Variants in DOCK2 observed in about 807,000 individuals in gnomAD.
DOCK2 encodes dedicator of cytokinesis protein 2.
DOCK2 carries 87 observed loss-of-function variants against 248.9 expected under a neutral mutation model. The ratio of observed to expected loss-of-function variants is 0.35; its 90% confidence interval spans 0.29 to 0.42. DOCK2 has a LOEUF of 0.42. Ranked by LOEUF, DOCK2 falls within the 10% of genes least tolerant of loss-of-function variation. The pLI, the probability that DOCK2 is intolerant of heterozygous loss-of-function variation, is 1.00. For synonymous variants in DOCK2, 805 were observed against 821.6 expected, an observed-to-expected ratio of 0.98 and a Z score of 0.35; for missense variants, 1,747 against 2,300.2, an observed-to-expected ratio of 0.76 and a Z score of 4.92.
At chr5:170,033,078 G>A (rs1756201653) in intron 34 of DOCK2, among the ~76,000 whole-genome samples, 1 of 151,876 alleles carries the variant, frequency 6.6e-6, no homozygotes, top group Middle Eastern at 3.4e-3. Context: ...CCTGCAAAAT[G>A]GGGGAAATAA....
rs1170456180 is a variant in DOCK2 at position 169,801,168 on chromosome 5, T to G, written c.2555-1890T>G. 6.9e-4 allele frequency among the ~76,000 whole-genome samples: 93 copies of G among 135,530 alleles called. 2 individuals are homozygous for G. Among genetic ancestry groups the G allele is most frequent in the African/African-American group, 2.3e-3 (86 of 38,126 alleles). The allele number at this position is 135,530 out of a possible 152,430, so 88.9% of individuals were successfully genotyped here. The stretch of plus-strand genomic sequence containing the variant: ...TGGGTTTTTTTTTTTTTTTTTTTTT[T>G]TTTTTTTTTTTTTAGTAGACTTGGG... On this transcript the variant is annotated intron_variant, in intron 25 of 51. Transcript: ENST00000520908.
intron 2 of DOCK2, among the ~76,000 whole-genome samples, chr5:169,664,819 C>T (rs1183783937): frequency 1.3e-5 from 2 of 152,138 alleles, no homozygotes. Flanking sequence ...GGTGGGGACA[C>T]AAAGCCAAAT....
intron 25 of DOCK2, among the ~76,000 whole-genome samples, chr5:169,802,821 T>C (rs1767080587): frequency 6.6e-6 from 1 of 152,104 alleles, no homozygotes; most frequent in Admixed American, 6.5e-5. Context: ...ATATAGAACA[T>C]ACTAGAATAT....
chr5:169,743,958 A>AT (rs1763468912), intron 22 of DOCK2, among the ~76,000 whole-genome samples: 1 of 150,272 alleles, frequency 6.7e-6, no homozygotes, highest in Admixed American at 6.6e-5. Context: ...CTTTTCCCCC[A>AT]TTTTCCTCCT....
At chr5:169,936,599 T>A (rs907835643) in intron 27 of DOCK2, among the ~76,000 whole-genome samples, 23 of 130,860 alleles carry the variant, frequency 1.8e-4, no homozygotes, top group Middle Eastern at 3.8e-3. Flanking sequence ...TTTTTTTTTT[T>A]ATGAATTAGC....
At chr5:169,999,154 G>A (rs1032608883) in intron 30 of DOCK2, among the ~76,000 whole-genome samples, 1 of 152,148 alleles carries the variant, frequency 6.6e-6, no homozygotes, top group African/African-American at 2.4e-5. Context: ...CATTCCTTTA[G>A]GTTTATATCC....
chr5:170,070,575 A>T (rs1321468204), intron 46 of DOCK2, among the ~76,000 whole-genome samples: 1 of 152,146 alleles, frequency 6.6e-6, no homozygotes, highest in Non-Finnish European at 1.5e-5. Flanking sequence ...TTTATTATTC[A>T]AATAATGATG....
chr5:169,896,130 A>G (rs1422835079), intron 27 of DOCK2, among the ~76,000 whole-genome samples: 3 of 148,786 alleles, frequency 2.0e-5, no homozygotes, highest in Admixed American at 6.7e-5. Context: ...GAGCTCCCAG[A>G]GCGTGCAGGC....
At chr5:169,990,052 A>T (rs1229464371) in intron 29 of DOCK2, among the ~76,000 whole-genome samples, 1 of 150,106 alleles carries the variant, frequency 6.7e-6, no homozygotes, top group African/African-American at 2.5e-5. Flanking sequence ...CACCTCCTCC[A>T]ATCCATGTAA....
At chr5:169,980,618 T>A (rs903620231) in intron 27 of DOCK2, 2 of 152,108 alleles carry the variant, frequency 1.3e-5, no homozygotes, top group African/African-American at 4.8e-5. Context: ...CACACATGCA[T>A]ATACACACAC....
chr5:169,751,812 C>T (rs1317272460), intron 23 of DOCK2, among the ~76,000 whole-genome samples: 1 of 152,182 alleles, frequency 6.6e-6, no homozygotes, highest in Non-Finnish European at 1.5e-5. Flanking sequence ...TACCATGTTC[C>T]AGACATGGAA....
chr5:169,639,190 T>C (rs1475707723), intron 1 of DOCK2, among the ~76,000 whole-genome samples: 2 of 152,138 alleles, frequency 1.3e-5, no homozygotes. Context: ...AGAAGGAAAA[T>C]GGGTAACAGT....
At chr5:169,655,222 C>G (rs1758037550) in intron 2 of DOCK2, among the ~76,000 whole-genome samples, 1 of 152,208 alleles carries the variant, frequency 6.6e-6, no homozygotes, top group South Asian at 2.1e-4. Flanking sequence ...GCTCCCACCC[C>G]TCACTGGCCC....
At chr5:169,759,534 A>G (rs1405475920) in intron 23 of DOCK2, among the ~76,000 whole-genome samples, 171 bp from the exon 24 acceptor site, 1 of 152,240 alleles carries the variant, frequency 6.6e-6, no homozygotes, top group East Asian at 1.9e-4. Flanking sequence ...TTGTATACAA[A>G]GAAGTCCGTG....
At chr5:169,767,794 A>T (rs186611438) in intron 25 of DOCK2, among the ~76,000 whole-genome samples, 34 of 152,384 alleles carry the variant, frequency 2.2e-4, no homozygotes, top group African/African-American at 8.2e-4. Context: ...GCTCTGTATC[A>T]GGTATTACAT....
chr5:169,985,798 T>G (rs1293551672), intron 28 of DOCK2, 30 bp from the exon 29 acceptor site: 1 of 1,561,292 alleles, frequency 6.4e-7, no homozygotes, highest in Middle Eastern at 1.7e-4. Context: ...TAAAACAGGA[T>G]GACATGTGTG....
At chr5:169,861,498 C>T (rs1455335262) in intron 27 of DOCK2, among the ~76,000 whole-genome samples, 1 of 152,144 alleles carries the variant, frequency 6.6e-6, no homozygotes, top group African/African-American at 2.4e-5. Context: ...TACATAAACT[C>T]CTGCAATTTA....
Position 169,702,289 on chromosome 5 carries a change from T to C in DOCK2, c.1259-14T>C, listed in dbSNP as rs1761015166. 3 of 1,612,994 alleles carry C rather than the reference T, an allele frequency of 1.9e-6. No homozygotes were observed. In the East Asian group the frequency reaches 6.7e-5, roughly 36 times the overall value. Reference sequence around the variant, plus strand: ...ATCCACACTAACTCTTGTCTCTCTCTCCCTCTGCCTCAGGGGATGTCAGGA... The same window carrying C: ...ATCCACACTAACTCTTGTCTCTCTCCCCCTCTGCCTCAGGGGATGTCAGGA... On this transcript the variant is annotated splice_polypyrimidine_tract_variant and intron_variant, in intron 13 of 51. Coordinates refer to ENST00000520908, the MANE Select transcript of DOCK2 (RefSeq NM_004946.3).
In DOCK2 at chr5:170,075,865, C is replaced by T. The variant is rs531446276; in HGVS notation, c.4729-82C>T. 13 of 1,565,370 alleles carry T rather than the reference C, an allele frequency of 8.3e-6. No individual in the cohort carries two copies. In the African/African-American group the frequency reaches 1.5e-4, roughly 18 times the overall value. ...ATGAATTCTTAGCAGGCAGACTTGACTGCAGCTGCCTTGATGGGCGGGGTG... is the reference window on the plus strand; with the variant it reads ...ATGAATTCTTAGCAGGCAGACTTGATTGCAGCTGCCTTGATGGGCGGGGTG... On this transcript the variant is annotated intron_variant, in intron 46 of 51. Transcript: ENST00000520908.
Sources: gnomAD v4.1 joint callset for allele counts (sites outside exome capture counted in the v4.1 genomes callset) on GRCh38, gnomAD v4.1.1 for gene constraint, MANE v1.5 for transcripts, NCBI Gene and HGNC (gene_info 2026-07-23, HGNC 2026-07-21) for gene names.